CACNG3: variants seen among roughly 807,000 people sequenced by gnomAD.
The protein encoded by CACNG3 is voltage-dependent calcium channel gamma-3 subunit.
CACNG3 carries 3 observed loss-of-function variants against 28.5 expected under a neutral mutation model. The observed-to-expected ratio is 0.11, with a 90% CI of 0.05 to 0.27. The LOEUF (loss-of-function observed/expected upper bound fraction) is 0.27. Ranked by LOEUF, CACNG3 falls within the 10% of genes least tolerant of loss-of-function variation. The pLI is 1.00. For missense variants in CACNG3, 236 were observed against 414.4 expected (o/e 0.57, Z 3.74); for synonymous variants, 174 against 162.2 (o/e 1.07, Z -0.55).
At chr16:24,257,368 GGAGAGAGAGAGAGAGAGAGAGAGA>G (rs71154293) in intron 1 of CACNG3, among the ~76,000 whole-genome samples, 1,448 of 52,866 alleles carry the variant, frequency 0.027, 97 homozygotes, top group Middle Eastern at 0.083. Context: ...AAGTGAGGGG[GGAGAGAGAGAGAGAGAGAGAGAGA>G]GAGAGAGAGA....
intron 1 of CACNG3, among the ~76,000 whole-genome samples, chr16:24,335,712 C>T (rs886723528): frequency 2.6e-5 from 4 of 152,100 alleles, no homozygotes; most frequent in African/African-American, 9.7e-5. Context: ...GTGAGGAATA[C>T]CCAAAGAGCC....
intron 1 of CACNG3, among the ~76,000 whole-genome samples, chr16:24,339,195 T>A (rs555414019): frequency 1.3e-5 from 2 of 152,368 alleles, no homozygotes; most frequent in South Asian, 4.1e-4. Flanking sequence ...GGACTGTTTC[T>A]TGTTTTCTTT....
chr16:24,346,051 G>A (rs939856679), intron 1 of CACNG3, among the ~76,000 whole-genome samples: 1 of 152,202 alleles, frequency 6.6e-6, no homozygotes, highest in South Asian at 2.1e-4. Flanking sequence ...TAAAATGAGC[G>A]AAAAAAATGA....
intron 1 of CACNG3, among the ~76,000 whole-genome samples, chr16:24,338,592 G>T (rs1478686089): frequency 2.0e-5 from 3 of 152,136 alleles, no homozygotes; most frequent in Non-Finnish European, 4.4e-5. Context: ...TGATCTGCCT[G>T]CCTCGGCCTC....
At chr16:24,306,753 T>TA (rs1029518866) in intron 1 of CACNG3, among the ~76,000 whole-genome samples, 3 of 152,112 alleles carry the variant, frequency 2.0e-5, no homozygotes, top group African/African-American at 7.2e-5. Context: ...GAGATTCACT[T>TA]ACAGCCCTTC....
chr16:24,308,839 CAAAAAAAAAAAAAAA>C (rs71154298), intron 1 of CACNG3, among the ~76,000 whole-genome samples: 15 of 27,272 alleles, frequency 5.5e-4, no homozygotes, highest in African/African-American at 8.4e-4. Flanking sequence ...GAACCTACCT[CAAAAAAAAAAAAAAA>C]AAAAAAAAAA....
intron 1 of CACNG3, among the ~76,000 whole-genome samples, chr16:24,313,108 G>GAAGC (rs1899297702): frequency 6.6e-6 from 1 of 151,272 alleles, no homozygotes; most frequent in African/African-American, 2.4e-5. Context: ...AGGAAGGAAG[G>GAAGC]AAGCTTCTGT....
At chr16:24,347,103 A>G (rs923423433) in intron 2 of CACNG3, among the ~76,000 whole-genome samples, 1 of 152,164 alleles carries the variant, frequency 6.6e-6, no homozygotes, top group Non-Finnish European at 1.5e-5. Context: ...GGATCGCTTG[A>G]GCTCAGGAGG....
chr16:24,355,318 G>T (rs547832596), intron 3 of CACNG3, among the ~76,000 whole-genome samples: 272 of 152,296 alleles, frequency 1.8e-3, no homozygotes, highest in African/African-American at 5.6e-3. Flanking sequence ...TGGTACGTGT[G>T]AACTGATTGA....
chr16:24,285,848 T>TTC (rs1482254176), intron 1 of CACNG3, among the ~76,000 whole-genome samples: 3 of 146,968 alleles, frequency 2.0e-5, no homozygotes, highest in Non-Finnish European at 3.0e-5. Flanking sequence ...TTCTTTTCTT[T>TTC]TTTTTTTTTT....
chr16:24,288,723 A>G (rs1279194087), intron 1 of CACNG3, among the ~76,000 whole-genome samples: 2 of 152,124 alleles, frequency 1.3e-5, no homozygotes, highest in African/African-American at 4.8e-5. Flanking sequence ...GCGGCTCACT[A>G]CTAGTGTGAG....
At chr16:24,314,750 C>CTCCTCCTCT (rs1899323820) in intron 1 of CACNG3, among the ~76,000 whole-genome samples, 1 of 149,982 alleles carries the variant, frequency 6.7e-6, no homozygotes, top group Non-Finnish European at 1.5e-5. Context: ...CCTCCTCCTC[C>CTCCTCCTCT]TCCTCCTCCT....
chr16:24,312,894 A>C (rs953154945), intron 1 of CACNG3, among the ~76,000 whole-genome samples: 1 of 140,984 alleles, frequency 7.1e-6, no homozygotes, highest in Non-Finnish European at 1.5e-5. Context: ...AAGAAAGAAA[A>C]GGAAAGAAAG....
intron 1 of CACNG3, among the ~76,000 whole-genome samples, chr16:24,304,989 C>T (rs1236467760): frequency 6.6e-6 from 1 of 152,178 alleles, no homozygotes; most frequent in Non-Finnish European, 1.5e-5. Flanking sequence ...AATTACTTTC[C>T]TCCATTGGTC....
At chr16:24,302,970 T>C (rs1218789452) in intron 1 of CACNG3, among the ~76,000 whole-genome samples, 1 of 151,530 alleles carries the variant, frequency 6.6e-6, no homozygotes, top group African/African-American at 2.4e-5. Context: ...TAATTTTTTT[T>C]TTAAATAGAG....
intron 3 of CACNG3, 100 bp downstream of exon 3, chr16:24,355,073 G>C: frequency 8.3e-7 from 1 of 1,199,202 alleles, no homozygotes; most frequent in Non-Finnish European, 1.2e-6. Flanking sequence ...TCCAGGGAAG[G>C]AGCAAGAAAA....
At chr16:24,265,470 G>A (rs1898597653) in intron 1 of CACNG3, among the ~76,000 whole-genome samples, 1 of 95,790 alleles carries the variant, frequency 1.0e-5, no homozygotes, top group Non-Finnish European at 2.8e-5. Context: ...AGGAAGGAAG[G>A]AGAGAGAGAG....
chr16:24,315,029 C>T (rs957813308), intron 1 of CACNG3, among the ~76,000 whole-genome samples: 2 of 152,024 alleles, frequency 1.3e-5, no homozygotes. Flanking sequence ...GGTGTCTTGC[C>T]CACCTGACAG....
At chr16:24,283,629 A>G (rs1898857879) in intron 1 of CACNG3, among the ~76,000 whole-genome samples, 1 of 152,356 alleles carries the variant, frequency 6.6e-6, no homozygotes, top group Admixed American at 6.5e-5. Flanking sequence ...TCTGCAAATA[A>G]TAGGTGGAAT....
Sources: allele counts gnomAD v4.1 joint callset (sites outside exome capture counted in the v4.1 genomes callset), GRCh38; gene constraint gnomAD v4.1.1; transcripts MANE v1.5; gene names NCBI Gene and HGNC (gene_info 2026-07-23, HGNC 2026-07-21).